The following NRG2 variants were observed in gnomAD, a reference collection of about 807,000 sequenced individuals.
The protein encoded by NRG2 is neuregulin 2.
In NRG2, 27 loss-of-function variants were observed where a neutral mutation model predicts 73.9. The observed-to-expected ratio is 0.37, with a 90% CI of 0.27 to 0.50. The LOEUF (loss-of-function observed/expected upper bound fraction) is 0.50. Among genes scored for constraint, NRG2 ranks in the 20% least tolerant of loss-of-function variants. The pLI is 0.96. For missense variants in NRG2, 1,126 were observed against 1,210.1 expected (o/e 0.93, Z 1.03); for synonymous variants, 532 against 541.0 (o/e 0.98, Z 0.23).
chr5:139,959,604 G>A (rs574077814), intron 1 of NRG2, among the ~76,000 whole-genome samples: 14 of 152,140 alleles, frequency 9.2e-5, no homozygotes, highest in African/African-American at 2.4e-4. Flanking sequence ...TCGAACTCCC[G>A]ACCTCAGATC....
chr5:139,941,836 G>T lies in NRG2; in HGVS notation c.701-54325C>A, dbSNP rs949199971. On this transcript the variant is annotated intron_variant, in intron 1 of 9. Coordinates refer to ENST00000361474, the MANE Select transcript of NRG2 (RefSeq NM_004883.3). ...CAAACTTGTGTGGAACGGAGAGCTT[G>T]CTTCTTGTTTCAACTTCCCATAGCA... Among the ~76,000 whole-genome samples, 13 of 152,278 alleles carry T rather than the reference G, an allele frequency of 8.5e-5. No homozygotes were observed. In the East Asian group the frequency reaches 2.3e-3, roughly 27 times the overall value.
intron 1 of NRG2, among the ~76,000 whole-genome samples, chr5:140,040,539 C>G (rs1761833405): frequency 6.6e-6 from 1 of 152,138 alleles, no homozygotes; most frequent in African/African-American, 2.4e-5. Context: ...AGCAGAGAAG[C>G]CAGTTACTCT....
At chr5:140,020,963 C>G (rs965176501) in intron 1 of NRG2, among the ~76,000 whole-genome samples, 1 of 152,166 alleles carries the variant, frequency 6.6e-6, no homozygotes, top group Non-Finnish European at 1.5e-5. Context: ...GTCTCAAACT[C>G]CTACTCTGTG....
intron 1 of NRG2, among the ~76,000 whole-genome samples, chr5:140,003,992 C>T (rs1450958098): frequency 1.3e-5 from 2 of 152,132 alleles, no homozygotes; most frequent in Non-Finnish European, 2.9e-5. Flanking sequence ...TTTTAATGGC[C>T]TTTAAATAAA....
intron 1 of NRG2, among the ~76,000 whole-genome samples, chr5:140,013,138 A>G (rs1759499151): frequency 1.3e-5 from 2 of 152,188 alleles, no homozygotes; most frequent in Admixed American, 6.5e-5. Flanking sequence ...AACGATCAGA[A>G]GAGAATTTCC....
At position 139,889,007 on chromosome 5, in the gene NRG2, C is replaced by A. The variant is rs145977492; in HGVS notation, c.701-1496G>T. ...ATTTAATGAAACAGTGTAACCCTTT[C>A]GCCTGGGTGTTAAATATTAATAATA... On this transcript the variant is annotated intron_variant, in intron 1 of 9. Coordinates refer to ENST00000361474, the MANE Select transcript of NRG2 (RefSeq NM_004883.3). 8.9e-3 allele frequency among the ~76,000 whole-genome samples: 1,355 copies of A among 152,222 alleles called. 9 individuals carry two copies. Among genetic ancestry groups the A allele is most frequent in the Middle Eastern group, 0.031 (9 of 294 alleles).
At chr5:139,933,093 G>A (rs1213992366) in intron 1 of NRG2, among the ~76,000 whole-genome samples, 1 of 152,096 alleles carries the variant, frequency 6.6e-6, no homozygotes, top group Non-Finnish European at 1.5e-5. Context: ...TGGCCAACAT[G>A]GTGAAACCCT....
intron 2 of NRG2, among the ~76,000 whole-genome samples, chr5:139,881,757 G>T (rs1164206830): frequency 6.6e-6 from 1 of 152,226 alleles, no homozygotes; most frequent in Non-Finnish European, 1.5e-5. Context: ...TCATGAGGAC[G>T]TGGGCTATCT....
rs114005337 is a variant in NRG2 at position 139,906,018 on chromosome 5, C to T, written c.701-18507G>A. On this transcript the variant is annotated intron_variant, in intron 1 of 9. Transcript: ENST00000361474. Reference sequence around the variant, plus strand: ...CAGAGTGAGCTTTCTTTCTTTCTTTCTTTTTTTGAGATGTAGTCTCACTCT... The same window carrying T: ...CAGAGTGAGCTTTCTTTCTTTCTTTTTTTTTTTGAGATGTAGTCTCACTCT... 4.8e-3 allele frequency among the ~76,000 whole-genome samples: 723 copies of T among 151,986 alleles called. 5 individuals carry two copies. The highest frequency in any genetic ancestry group is 0.016 in the African/African-American group (680 of 41,364).
At chr5:139,858,869 C>T (rs1043147999) in intron 5 of NRG2, among the ~76,000 whole-genome samples, 3 of 152,198 alleles carry the variant, frequency 2.0e-5, no homozygotes, top group Non-Finnish European at 4.4e-5. Flanking sequence ...TAGCTATAGA[C>T]AGATGCACTC....
chr5:139,858,721 C>T (rs374398614), intron 5 of NRG2, among the ~76,000 whole-genome samples: 1 of 152,314 alleles, frequency 6.6e-6, no homozygotes, highest in African/African-American at 2.4e-5. Flanking sequence ...CACCTGCTGA[C>T]ATCTTGCCCT....
At chr5:139,952,034 AC>A (rs1296024916) in intron 1 of NRG2, among the ~76,000 whole-genome samples, 2 of 152,348 alleles carry the variant, frequency 1.3e-5, no homozygotes, top group East Asian at 3.9e-4. Flanking sequence ...TAGCCATGTG[AC>A]CATGGGCAAG....
At chr5:139,944,392 T>G (rs1453898359) in intron 1 of NRG2, among the ~76,000 whole-genome samples, 1 of 152,206 alleles carries the variant, frequency 6.6e-6, no homozygotes, top group East Asian at 1.9e-4. Context: ...TTTAAAAATC[T>G]CTGTCTATCC....
At chr5:140,003,429 G>A (rs938791475) in intron 1 of NRG2, among the ~76,000 whole-genome samples, 3 of 152,352 alleles carry the variant, frequency 2.0e-5, no homozygotes, top group African/African-American at 7.2e-5. Flanking sequence ...GTAAGAGGGA[G>A]GTAGGAGGAT....
At chr5:140,019,230 A>T (rs918831511) in intron 1 of NRG2, among the ~76,000 whole-genome samples, 1 of 152,226 alleles carries the variant, frequency 6.6e-6, no homozygotes, top group South Asian at 2.1e-4. Flanking sequence ...ATCAGAAGCC[A>T]CTGGAAGCAG....
chr5:140,026,192 A>G (rs985666123), intron 1 of NRG2, among the ~76,000 whole-genome samples: 1 of 152,248 alleles, frequency 6.6e-6, no homozygotes, highest in Admixed American at 6.5e-5. Flanking sequence ...GCAAAGAGTA[A>G]GTGTGAAAGA....
intron 5 of NRG2, among the ~76,000 whole-genome samples, chr5:139,860,422 A>C (rs1762081655): frequency 6.6e-6 from 1 of 150,644 alleles, no homozygotes; most frequent in African/African-American, 2.5e-5. Flanking sequence ...GACTGGCCCC[A>C]TGTCCCTGCT....
chr5:140,030,650 A>G (rs946930095), intron 1 of NRG2, among the ~76,000 whole-genome samples: 1 of 152,248 alleles, frequency 6.6e-6, no homozygotes, highest in East Asian at 1.9e-4. Flanking sequence ...CGGAAAGCTC[A>G]CTTCCAATCT....
At chr5:139,961,949 C>G (rs1199691915) in intron 1 of NRG2, among the ~76,000 whole-genome samples, 1 of 152,114 alleles carries the variant, frequency 6.6e-6, no homozygotes, top group Non-Finnish European at 1.5e-5. Context: ...ATGCAAATGC[C>G]CCCCAGCCTC....
Sources: gnomAD v4.1 joint callset for allele counts (sites outside exome capture counted in the v4.1 genomes callset) on GRCh38, gnomAD v4.1.1 for gene constraint, MANE v1.5 for transcripts, NCBI Gene and HGNC (gene_info 2026-07-23, HGNC 2026-07-21) for gene names.